KCNAB1: variants seen among roughly 807,000 people sequenced by gnomAD.
KCNAB1 encodes the protein potassium voltage-gated channel subfamily A regulatory beta subunit 1.
A neutral mutation model predicts 64.6 loss-of-function variants in KCNAB1; 35 were observed. The observed-to-expected ratio is 0.54, with a 90% confidence interval of 0.41 to 0.72. The LOEUF is 0.72. Ranked by LOEUF, KCNAB1 falls within the 30% of genes least tolerant of loss-of-function variation. The pLI is 0.00. For synonymous variants in KCNAB1, 177 were observed against 183.8 expected (o/e 0.96, Z 0.30); for missense variants, 401 against 512.9 (o/e 0.78, Z 2.11).
At chr3:156,244,727 C>T (rs1205717648) in intron 1 of KCNAB1, among the ~76,000 whole-genome samples, 1 of 152,184 alleles carries the variant, frequency 6.6e-6, no homozygotes. Context: ...TTTCCTCTTT[C>T]AGATTTTACC....
intron 8 of KCNAB1, among the ~76,000 whole-genome samples, chr3:156,488,405 G>A (rs1715369625): frequency 6.6e-6 from 1 of 152,042 alleles, no homozygotes; most frequent in African/African-American, 2.4e-5. Flanking sequence ...GAAGAAGTCA[G>A]GTGAATAGCC....
At chr3:156,224,241 G>A (rs7611194) in intron 1 of KCNAB1, among the ~76,000 whole-genome samples, 84,804 of 152,166 alleles carry the variant, frequency 0.56, 24,482 homozygotes, top group East Asian at 0.9. Flanking sequence ...CTGAGCCCAC[G>A]CCCACCCGGA....
chr3:156,163,248 C>G (rs1006659090), intron 1 of KCNAB1, among the ~76,000 whole-genome samples: 1 of 152,186 alleles, frequency 6.6e-6, no homozygotes, highest in African/African-American at 2.4e-5. Context: ...ACAGCCTCAT[C>G]ATCCAATAAA....
intron 1 of KCNAB1, among the ~76,000 whole-genome samples, chr3:156,404,020 C>A (rs1406539428): frequency 6.6e-6 from 1 of 152,108 alleles, no homozygotes; most frequent in Non-Finnish European, 1.5e-5. Flanking sequence ...AATTCACCTA[C>A]CTTACTTCTA....
chr3:156,318,420 A>G (rs1176696619), intron 1 of KCNAB1, among the ~76,000 whole-genome samples: 1 of 152,138 alleles, frequency 6.6e-6, no homozygotes, highest in Non-Finnish European at 1.5e-5. Flanking sequence ...CACATGCCCT[A>G]TCCACAGGGA....
At chr3:156,169,863 T>A (rs899169119) in intron 1 of KCNAB1, among the ~76,000 whole-genome samples, 16 of 152,238 alleles carry the variant, frequency 1.1e-4, no homozygotes, top group African/African-American at 3.6e-4. Flanking sequence ...ACCTCATTTT[T>A]AAATAAATTA....
At chr3:156,180,212 T>C (rs1712714230) in intron 1 of KCNAB1, among the ~76,000 whole-genome samples, 1 of 152,244 alleles carries the variant, frequency 6.6e-6, no homozygotes, top group African/African-American at 2.4e-5. Flanking sequence ...AAAGTAGTTA[T>C]GGACATTTCC....
rs1047371600 is a variant in KCNAB1 at position 156,363,382 on chromosome 3, C to T, written c.276-58234C>T. On this transcript the variant is annotated intron_variant, in intron 1 of 13. Coordinates refer to ENST00000490337, the MANE Select transcript of KCNAB1 (RefSeq NM_172160.3). ...GAAAATATTTTAATTGAGCATTTAT[C>T]GTACTCATTCACAAATAATCCAATT... Among the ~76,000 whole-genome samples, 9 of 152,128 alleles carry T rather than the reference C, an allele frequency of 5.9e-5. No homozygotes were observed. In the East Asian group the frequency reaches 9.7e-4, roughly 16 times the overall value.
chr3:156,398,296 A>C (rs1713617841), intron 1 of KCNAB1, among the ~76,000 whole-genome samples: 1 of 152,070 alleles, frequency 6.6e-6, no homozygotes, highest in Non-Finnish European at 1.5e-5. Context: ...AGAGCTTAAA[A>C]CCTAGATGAT....
intron 1 of KCNAB1, among the ~76,000 whole-genome samples, chr3:156,124,399 T>G (rs1186850259): frequency 6.6e-6 from 1 of 151,920 alleles, no homozygotes; most frequent in Non-Finnish European, 1.5e-5. Flanking sequence ...GTATTTTTAG[T>G]AGAGTTGGGG....
intron 1 of KCNAB1, among the ~76,000 whole-genome samples, chr3:156,178,345 T>C (rs1435357940): frequency 6.6e-6 from 1 of 152,220 alleles, no homozygotes. Context: ...GACCTCTGGC[T>C]CCAGCATTCT....
At chr3:156,474,957 C>T in intron 8 of KCNAB1, 137 bp downstream of exon 8, 2 of 687,048 alleles carry the variant, frequency 2.9e-6, no homozygotes, top group Non-Finnish European at 4.9e-6. Flanking sequence ...TGACTGATGC[C>T]TTTTGGCCTC....
chr3:156,182,217 C>G (rs1394185943), intron 1 of KCNAB1, among the ~76,000 whole-genome samples: 2 of 152,130 alleles, frequency 1.3e-5, no homozygotes, highest in African/African-American at 2.4e-5. Flanking sequence ...AATTTAGGAG[C>G]CTCTCACCCA....
intron 7 of KCNAB1, among the ~76,000 whole-genome samples, chr3:156,466,166 C>A (rs1388006199): frequency 3.9e-5 from 6 of 152,124 alleles, no homozygotes; most frequent in Admixed American, 3.9e-4. Flanking sequence ...TCCCAAGCAA[C>A]CATAAATCTA....
intron 1 of KCNAB1, among the ~76,000 whole-genome samples, chr3:156,336,938 G>C (rs1324548580): frequency 6.6e-6 from 1 of 152,216 alleles, no homozygotes; most frequent in Non-Finnish European, 1.5e-5. Context: ...ATAGCTACTT[G>C]AAGTGCAAGG....
chr3:156,258,443 C>T (rs1260691888), intron 1 of KCNAB1, among the ~76,000 whole-genome samples: 1 of 152,196 alleles, frequency 6.6e-6, no homozygotes, highest in Non-Finnish European at 1.5e-5. Context: ...TGAATACTTT[C>T]AGGGACAGCT....
intron 1 of KCNAB1, among the ~76,000 whole-genome samples, chr3:156,341,878 T>C (rs1724138431): frequency 6.6e-6 from 1 of 152,234 alleles, no homozygotes; most frequent in South Asian, 2.1e-4. Context: ...TGACCTTTTA[T>C]TCTATTTTAA....
At chr3:156,500,695 G>T (rs1245785792) in intron 8 of KCNAB1, among the ~76,000 whole-genome samples, 2 of 151,982 alleles carry the variant, frequency 1.3e-5, no homozygotes, top group African/African-American at 4.8e-5. Context: ...GAATAAATTG[G>T]ATCTATCAAA....
chr3:156,402,568 C>G (rs916418495), intron 1 of KCNAB1, among the ~76,000 whole-genome samples: 3 of 152,116 alleles, frequency 2.0e-5, no homozygotes, highest in Admixed American at 6.5e-5. Flanking sequence ...ACAGATAAGA[C>G]AATGATATGT....
Sources: gnomAD v4.1 joint callset for allele counts (sites outside exome capture counted in the v4.1 genomes callset) on GRCh38, gnomAD v4.1.1 for gene constraint, MANE v1.5 for transcripts, NCBI Gene and HGNC (gene_info 2026-07-23, HGNC 2026-07-21) for gene names.